FSD1L: variants seen among roughly 807,000 people sequenced by gnomAD.
FSD1L encodes the protein FSD1-like protein.
A neutral mutation model predicts 71.6 loss-of-function variants in FSD1L; 45 were observed. The ratio of observed to expected loss-of-function variants is 0.63; its 90% CI spans 0.49 to 0.81. The LOEUF is 0.81. Among genes scored for constraint, FSD1L ranks in the 30% least tolerant of loss-of-function variants. FSD1L has a pLI of 0.00. For missense variants in FSD1L, 561 were observed against 618.1 expected (o/e 0.91, Z 0.98); for synonymous variants, 197 against 207.2 (o/e 0.95, Z 0.42).
chr9:105,519,319 C>T (rs1834957751), intron 10 of FSD1L, among the ~76,000 whole-genome samples: 1 of 152,134 alleles, frequency 6.6e-6, no homozygotes, highest in South Asian at 2.1e-4. Context: ...CCAGCATCAT[C>T]CTGATACCAA....
rs1402239378 is a variant in FSD1L at position 105,549,873 on chromosome 9, T to C, written c.*3390T>C. ...ATTTTATTGTTTCTTATGGAAACAA[T>C]TGGAAAAGTATATGGAAAATGATTA... On this transcript the variant is annotated 3_prime_UTR_variant, in exon 14 of 14. Coordinates refer to ENST00000481272, the MANE Select transcript of FSD1L (RefSeq NM_001145313.3). The C allele has an allele frequency of 1.3e-5, 2 of 151,982 alleles. No individual in the cohort carries two copies. The highest frequency in any genetic ancestry group is 6.6e-5 in the Admixed American group (1 of 15,244). 9.4% of individuals were successfully genotyped at this position (151,982 alleles called of 1,614,324 possible).
intron 7 of FSD1L, among the ~76,000 whole-genome samples, chr9:105,486,408 A>T (rs1055957828): frequency 2.0e-5 from 3 of 152,146 alleles, no homozygotes; most frequent in Non-Finnish European, 4.4e-5. Context: ...AGTTTTGAAA[A>T]TTTGAGGTGG....
chr9:105,501,794 A>T (rs947672066), intron 7 of FSD1L, among the ~76,000 whole-genome samples: 3 of 152,104 alleles, frequency 2.0e-5, no homozygotes, highest in Non-Finnish European at 4.4e-5. Context: ...CAAAAAAGTT[A>T]GTTTACCAAA....
At chr9:105,521,191 G>A (rs1835129812) in intron 10 of FSD1L, 1 of 1,614,122 alleles carries the variant, frequency 6.2e-7, no homozygotes. Flanking sequence ...GTTTCTTTCT[G>A]GCTGGAGCCA....
At chr9:105,487,059 G>A (rs1832598445) in intron 7 of FSD1L, among the ~76,000 whole-genome samples, 1 of 152,026 alleles carries the variant, frequency 6.6e-6, no homozygotes, top group Non-Finnish European at 1.5e-5. Flanking sequence ...CTCAAAAAAA[G>A]GAAGCATACA....
chr9:105,533,567 C>A (rs1203591674), intron 10 of FSD1L, among the ~76,000 whole-genome samples: 1 of 149,804 alleles, frequency 6.7e-6, no homozygotes, highest in Non-Finnish European at 1.5e-5. Context: ...GGATTACAGG[C>A]ACCCACAACC....
At chr9:105,471,609 A>T (rs1351437937) in intron 4 of FSD1L, among the ~76,000 whole-genome samples, 2 of 151,710 alleles carry the variant, frequency 1.3e-5, no homozygotes, top group Admixed American at 6.6e-5. Flanking sequence ...GTTTTAAATG[A>T]TGAGTGTATC....
chr9:105,476,338 T>G (rs1231195071), intron 5 of FSD1L, among the ~76,000 whole-genome samples: 1 of 152,208 alleles, frequency 6.6e-6, no homozygotes, highest in Admixed American at 6.5e-5. Context: ...GTTTTTAAAC[T>G]AAATCTTACA....
intron 1 of FSD1L, among the ~76,000 whole-genome samples, chr9:105,457,500 A>T (rs1288548921): frequency 6.6e-6 from 1 of 152,228 alleles, no homozygotes; most frequent in Admixed American, 6.5e-5. Context: ...GATTAAGAAA[A>T]ATTTTGCTAC....
chr9:105,497,551 G>T (rs1419155926), intron 7 of FSD1L, among the ~76,000 whole-genome samples: 1 of 152,122 alleles, frequency 6.6e-6, no homozygotes. Flanking sequence ...ATAGATAGAG[G>T]CCTATTCAGA....
chr9:105,460,057 G>A (rs1315315804), intron 1 of FSD1L, among the ~76,000 whole-genome samples: 1 of 152,174 alleles, frequency 6.6e-6, no homozygotes, highest in Non-Finnish European at 1.5e-5. Context: ...GTGTTTCTCA[G>A]AAATACTATA....
At position 105,535,313 on chromosome 9, in the gene FSD1L, A is replaced by G. The variant is rs982450112; in HGVS notation, c.1373A>G (p.Asp458Gly). 1.0e-5 allele frequency: 16 copies of G among 1,551,238 alleles called. No individual in the cohort carries two copies. The South Asian group carries it at 1.9e-4, about 18-fold the overall frequency. Residue 458 changes from aspartate to glycine, a missense_variant, in exon 12 of 14, where the codon GAT (aspartate) becomes GGT (glycine). Around this residue, in one of 3 missense-constraint regions of FSD1L, gnomAD observed 98 missense variants for 102.3 expected, o/e 0.96. Coordinates refer to ENST00000481272, the MANE Select transcript of FSD1L (RefSeq NM_001145313.3). ...PEKIGVFCDFDGGQLSFYDAN... is the reference protein window; with the variant it reads ...PEKIGVFCDFGGGQLSFYDAN... ...AAAATAGGTGTATTTTGTGATTTTG[A>G]TGGGGGTAAGTTTATTTTCTCGTAG...
At chr9:105,508,155 C>A (rs1331817815) in intron 8 of FSD1L, among the ~76,000 whole-genome samples, 1 of 148,964 alleles carries the variant, frequency 6.7e-6, no homozygotes, top group Non-Finnish European at 1.5e-5. Flanking sequence ...TGAGCCACTG[C>A]GCCCGACCAC....
chr9:105,471,203 G>C (rs1371728808), intron 4 of FSD1L, among the ~76,000 whole-genome samples: 1 of 152,116 alleles, frequency 6.6e-6, no homozygotes, highest in Non-Finnish European at 1.5e-5. Flanking sequence ...TTTGCATATT[G>C]AGTGTGCATT....
rs537430742 is a variant in FSD1L, at chr9:105,499,662, T to C, written c.587-6737T>C. Among the ~76,000 whole-genome samples the C allele has an allele frequency of 1.1e-4, 16 of 151,912 alleles. No homozygotes were observed. In the South Asian group the frequency reaches 2.1e-3, roughly 20 times the overall value. On this transcript the variant is annotated intron_variant, in intron 7 of 13. Coordinates refer to ENST00000481272, the MANE Select transcript of FSD1L (RefSeq NM_001145313.3). ...GATACAGTTTTTGTTTATGTGTGTA[T>C]GGCAGGGAGCATTTATTTTGGTTGA...
chr9:105,521,413 A>T, intron 10 of FSD1L: 2 of 1,614,186 alleles, frequency 1.2e-6, no homozygotes, highest in South Asian at 2.2e-5. Context: ...TGTAGTATTG[A>T]TGAAGAACAT....
Position 105,484,455 on chromosome 9 carries a change from A to C in FSD1L, c.539A>C (p.Asp180Ala). The C allele has an allele frequency of 6.5e-7, 1 of 1,533,606 alleles. No individual in the cohort carries two copies. Among genetic ancestry groups the C allele is most frequent in the Non-Finnish European group, 8.8e-7 (1 of 1,139,872 alleles). 95.0% of individuals were successfully genotyped at this position (1,533,606 alleles called of 1,614,324 possible). ...VSDNMTHLMVDFSQERQMLQT... is the reference protein window; with the variant it reads ...VSDNMTHLMVAFSQERQMLQT... ...GACAACATGACTCATTTAATGGTGG[A>C]TTTCTCACAGGAAAGACAGATGCTG... The change falls in exon 7 of 14, where the codon GAT (aspartate) becomes GCT (alanine). Residue 180 changes from aspartate to alanine, a missense_variant. This residue lies in a region of FSD1L where 410 missense variants were observed against 413.5 expected (regional missense o/e 0.99). Transcript: ENST00000481272.
chr9:105,469,145 A>G (rs1831271817), intron 4 of FSD1L, among the ~76,000 whole-genome samples: 1 of 152,122 alleles, frequency 6.6e-6, no homozygotes, highest in South Asian at 2.1e-4. Context: ...TATATACCAC[A>G]TTTTCTTTAT....
chr9:105,442,635 C>T, the FSD1L span, among the ~76,000 whole-genome samples: 1 of 151,998 alleles, frequency 6.6e-6, no homozygotes, highest in Non-Finnish European at 1.5e-5. Context: ...TTGCAGTGAG[C>T]CGAGATTGCA....
Sources: gnomAD v4.1 joint callset for allele counts (sites outside exome capture counted in the v4.1 genomes callset) on GRCh38, gnomAD v4.1.1 for gene constraint, gnomAD v4.1.1 regional missense constraint, MANE v1.5 for transcripts, NCBI Gene and HGNC (gene_info 2026-07-23, HGNC 2026-07-21) for gene names.